Variants in ZNF534 observed in about 807,000 individuals in gnomAD.
ZNF534 encodes zinc finger protein 534.
A neutral mutation model predicts 13.6 loss-of-function variants in ZNF534; 19 were observed. The ratio of observed to expected loss-of-function variants is 1.40; its 90% confidence interval spans 0.97 to 2.05. The LOEUF is 2.05. Among genes scored for constraint, ZNF534 ranks in the 30% most tolerant of loss-of-function variants. The probability of loss-of-function intolerance (pLI) is 0.00; values close to 1 mark genes in which losing one functional copy is unlikely to be tolerated. For synonymous variants in ZNF534, 244 were observed against 273.8 expected, an observed-to-expected ratio of 0.89 and a Z score of 1.07; for missense variants, 782 against 796.3, an observed-to-expected ratio of 0.98 and a Z score of 0.22.
chr19:52,429,945 T>TC (rs1251620891), intron 1 of ZNF534, among the ~76,000 whole-genome samples: 1 of 149,728 alleles, frequency 6.7e-6, no homozygotes, highest in Non-Finnish European at 1.5e-5. Flanking sequence ...TGCTTTTTTT[T>TC]CATGTAACCC....
chr19:52,434,277 C>T (rs2560997), intron 3 of ZNF534, among the ~76,000 whole-genome samples, 196 bp downstream of exon 3: 134,519 of 151,698 alleles, frequency 0.89, 60,302 homozygotes, highest in Non-Finnish European at 0.96. Context: ...AAATGGTTCA[C>T]GAGGTCAGGA....
rs1352630185 is a variant in ZNF534 at position 52,440,789 on chromosome 19, AAAAG to A, written c.*1346_*1349del. On this transcript the variant is annotated 3_prime_UTR_variant, in exon 5 of 5. Coordinates refer to ENST00000433050, the MANE Select transcript of ZNF534 (RefSeq NM_001143938.3). ...GTGAGATTCTGTCTCAAAAAAAAAA[AAAAG>A]AATTCATACTGGAAGGAAGCGTTAC... Among the ~76,000 whole-genome samples, 6 of 152,240 alleles carry A rather than the reference AAAAG, an allele frequency of 3.9e-5. No individual in the cohort carries two copies. The highest frequency in any genetic ancestry group is 7.2e-5 in the African/African-American group (3 of 41,524).
rs146698064 is a variant in ZNF534, at chr19:52,448,700, A to G, written c.272-2487A>G. Among the ~76,000 whole-genome samples, 16 of 152,358 alleles carry G rather than the reference A, an allele frequency of 1.1e-4. No individual in the cohort carries two copies. In the East Asian group the frequency reaches 2.9e-3, roughly 28 times the overall value. ...TCTAGTCTCTTAACTTTTTAAGTGT[A>G]CAATTCAGTAGTGTTATTCAACCTT... On this transcript the variant is annotated intron_variant, in intron 4 of 4. Coordinates refer to the ZNF534 transcript ENST00000301085.
In ZNF534 at chr19:52,431,467, A is replaced by G; in HGVS notation, c.-8A>G. The G allele has an allele frequency of 1.2e-6, 2 of 1,614,070 alleles. No individual in the cohort carries two copies. The highest frequency in any genetic ancestry group is 1.3e-5 in the African/African-American group (1 of 75,046). ...GCAACTCGGAAGAGGAAAGAAAGGA[A>G]GTCAGGAATGGCCCTTACTCAGGTA... is the stretch of plus-strand genomic sequence containing the variant. On this transcript the variant is annotated 5_prime_UTR_variant, in exon 2 of 5. Transcript: ENST00000433050.
rs573823726 is a variant in ZNF534 at position 52,451,463 on chromosome 19, G to C, written c.548G>C (p.Arg183Pro). ...CCGCACGCCCCGGACGCTGTCCAGCGTTGGCCGCCTGAGCAGAGGCTGCCG... is the reference window on the plus strand; with the variant it reads ...CCGCACGCCCCGGACGCTGTCCAGCCTTGGCCGCCTGAGCAGAGGCTGCCG... Residue 183 changes from arginine (R) to proline (P), a missense_variant, in exon 5 of 5, where the codon CGT becomes CCT. Transcript: ENST00000301085. 77 of 589,010 alleles carry C rather than the reference G, an allele frequency of 1.3e-4. 1 individual carries two copies. The African/African-American group carries it at 1.5e-3, about 11-fold the overall frequency. 36.5% of individuals were successfully genotyped at this position (589,010 alleles called of 1,614,324 possible).
chr19:52,448,012 CTTTACAGGTTTAATAGA>C (rs1396972002), intron 4 of ZNF534, among the ~76,000 whole-genome samples: 2 of 151,900 alleles, frequency 1.3e-5, no homozygotes, highest in Admixed American at 6.6e-5. Flanking sequence ...GTTAATACTT[CTTTACAGGTTTAATAGA>C]ATTGTTTAGG....
chr19:52,448,540 G>C (rs1355193316), intron 4 of ZNF534, among the ~76,000 whole-genome samples: 3 of 152,180 alleles, frequency 2.0e-5, no homozygotes, highest in Admixed American at 1.3e-4. Context: ...CTCCAACCTG[G>C]ATGACAGAGT....
intron 3 of ZNF534, 111 bp downstream of exon 3, chr19:52,434,192 G>T: frequency 1.3e-6 from 2 of 1,489,916 alleles, no homozygotes; most frequent in Admixed American, 4.7e-5. Flanking sequence ...ATTGAAACCT[G>T]TTGACTAAGA....
intron 1 of ZNF534, among the ~76,000 whole-genome samples, chr19:52,431,103 G>A (rs1166628920): frequency 2.0e-5 from 3 of 151,958 alleles, no homozygotes; most frequent in African/African-American, 4.8e-5. Context: ...TGCCCACCTC[G>A]GCCTCCCAAA....
At chr19:52,429,760 T>C (rs2122644414) in intron 1 of ZNF534, among the ~76,000 whole-genome samples, 1 of 152,006 alleles carries the variant, frequency 6.6e-6, no homozygotes, top group Admixed American at 6.6e-5. Context: ...CATGCCTCTC[T>C]AATTTTGTAT....
chr19:52,444,555 A>G (rs1178818143), downstream of ZNF534, among the ~76,000 whole-genome samples: 1 of 151,922 alleles, frequency 6.6e-6, no homozygotes, highest in Admixed American at 6.6e-5. Flanking sequence ...GCAGGGCACT[A>G]GAACTCCCAA....
exon 5 of ZNF534, chr19:52,451,519 C>T (rs1203017120): frequency 3.4e-6 from 2 of 595,896 alleles, no homozygotes; most frequent in Non-Finnish European, 5.9e-6. Flanking sequence ...TTTCACCCAG[C>T]CAGCGGGCCC....
At position 52,438,085 on chromosome 19, in the gene ZNF534, A is replaced by T. The variant is rs777998707; in HGVS notation, c.625A>T (p.Ile209Phe). 52 of 1,614,216 alleles carry T rather than the reference A, an allele frequency of 3.2e-5. No individual in the cohort carries two copies. In the Admixed American group the frequency reaches 7.2e-4, roughly 22 times the overall value. ...SSLTNRQVIH[I>F]ADKTYKCSDC... Reference sequence around the variant, plus strand: ...CCTTACTAACCGTCAAGTAATCCACATTGCAGATAAAACTTACAAATGTAG... The same window carrying T: ...CCTTACTAACCGTCAAGTAATCCACTTTGCAGATAAAACTTACAAATGTAG... Residue 209 changes from isoleucine (I) to phenylalanine (F), a missense_variant, in exon 5 of 5, where the codon ATT (isoleucine) becomes TTT (phenylalanine). Physicochemically the swap from Ile to Phe is conservative, Grantham distance 21. Transcript: ENST00000433050.
chr19:52,449,880 C>G (rs1007273722), intron 4 of ZNF534, among the ~76,000 whole-genome samples: 1 of 151,926 alleles, frequency 6.6e-6, no homozygotes, highest in African/African-American at 2.4e-5. Context: ...GTTAGCCAGG[C>G]GTGGTGGTGT....
exon 5 of ZNF534, chr19:52,451,425 G>A (rs1452848842): frequency 1.5e-6 from 1 of 678,588 alleles, no homozygotes. Flanking sequence ...CCCCTCGGCC[G>A]CGCAGTGCGG....
At chr19:52,448,397 CA>C (rs61344558) in intron 4 of ZNF534, among the ~76,000 whole-genome samples, 138,071 of 150,866 alleles carry the variant, frequency 0.92, 63,500 homozygotes, top group Non-Finnish European at 0.96. Flanking sequence ...GACTCCGTCT[CA>C]AAAAAAAAAA....
chr19:52,441,788 CCT>C lies in ZNF534; in HGVS notation c.*2343_*2344del, dbSNP rs1229715599. Among the ~76,000 whole-genome samples the C allele has an allele frequency of 6.6e-6, 1 of 152,070 alleles. No individual in the cohort carries two copies. The highest frequency in any genetic ancestry group is 1.5e-5 in the Non-Finnish European group (1 of 68,010). On this transcript the variant is annotated 3_prime_UTR_variant, in exon 5 of 5. Transcript: ENST00000433050. ...ATACAAATCACCACATAGAGAGAAA[CCT>C]TACAAATACAAATCACCACATAATG...
At chr19:52,437,676 A>G in intron 4 of ZNF534, 56 bp from the exon 5 acceptor site, 3 of 1,460,990 alleles carry the variant, frequency 2.1e-6, no homozygotes, top group Non-Finnish European at 2.7e-6. Flanking sequence ...GTTTTCTGTC[A>G]GACTTTAAAC....
chr19:52,447,587 T>C (rs922629637), intron 4 of ZNF534, among the ~76,000 whole-genome samples: 1 of 152,136 alleles, frequency 6.6e-6, no homozygotes, highest in African/African-American at 2.4e-5. Flanking sequence ...CATAGACAAG[T>C]GTTGAATTTT....
Sources: allele counts gnomAD v4.1 joint callset (sites outside exome capture counted in the v4.1 genomes callset), GRCh38; gene constraint gnomAD v4.1.1; transcripts MANE v1.5; gene names NCBI Gene and HGNC (gene_info 2026-07-23, HGNC 2026-07-21).